Variants in DENND5B observed in about 807,000 individuals in gnomAD.
DENND5B encodes DENN domain containing 5B, also known as DENN domain-containing protein 5B.
DENND5B carries 34 observed loss-of-function variants against 140.6 expected under a neutral mutation model. That is an observed-to-expected ratio of 0.24 (90% CI 0.18 to 0.32). DENND5B has a LOEUF of 0.32. DENND5B is among the 10% of genes least tolerant of loss of function. The pLI is 1.00. For synonymous variants in DENND5B, 551 were observed against 562.1 expected, an observed-to-expected ratio of 0.98 and a Z score of 0.28; for missense variants, 1,142 against 1,560.2, an observed-to-expected ratio of 0.73 and a Z score of 4.52.
intron 1 of DENND5B, chr12:31,540,984 G>A (rs1301490709): frequency 8.8e-6 from 4 of 454,016 alleles, no homozygotes; most frequent in African/African-American, 8.0e-5. Context: ...ATGGTGCTGG[G>A]AAAACTGGAT....
At chr12:31,538,999 CAGA>C (rs1948601482) in intron 1 of DENND5B, among the ~76,000 whole-genome samples, 1 of 133,856 alleles carries the variant, frequency 7.5e-6, no homozygotes, top group African/African-American at 2.9e-5. Context: ...AACTGCTAGA[CAGA>C]CTAAGAAAAA....
Position 31,480,127 on chromosome 12 carries a change from T to C in DENND5B, c.366A>G (p.Glu122=), listed in dbSNP as rs1460614135. ...CTGTGCAGATTTGCTTACTTGTAAC[T>C]TCTTCATAAAAAGTGAGAACAAAAC... ...TYGFVLTFYE[E]VTSKQICTAM... Residue 122 remains glutamate, a synonymous_variant, in exon 3 of 21, where the codon GAA becomes GAG. Transcript: ENST00000389082. The C allele has an allele frequency of 6.2e-7, 1 of 1,612,610 alleles. No individual in the cohort carries two copies. Among genetic ancestry groups the C allele is most frequent in the South Asian group, 1.1e-5 (1 of 90,886 alleles).
At chr12:31,410,129 C>T (rs1942373887) in intron 13 of DENND5B, among the ~76,000 whole-genome samples, 1 of 152,056 alleles carries the variant, frequency 6.6e-6, no homozygotes, top group Admixed American at 6.6e-5. Flanking sequence ...AAGTGATGAC[C>T]AGTGTTGACA....
At chr12:31,451,690 C>T (rs1037250022) in intron 5 of DENND5B, 12 of 438,092 alleles carry the variant, frequency 2.7e-5, no homozygotes, top group South Asian at 6.1e-5. Flanking sequence ...GGCAATTTAA[C>T]GCACAATTTA....
At chr12:31,451,145 T>A (rs1944498499) in intron 5 of DENND5B, among the ~76,000 whole-genome samples, 2 of 152,158 alleles carry the variant, frequency 1.3e-5, no homozygotes, top group Non-Finnish European at 1.5e-5. Flanking sequence ...GACTTCCTGA[T>A]AGGATAAAGA....
At chr12:31,453,509 T>TA (rs1295733034) in intron 4 of DENND5B, among the ~76,000 whole-genome samples, 1 of 152,190 alleles carries the variant, frequency 6.6e-6, no homozygotes, top group African/African-American at 2.4e-5. Flanking sequence ...ACAAGGTTGT[T>TA]AGTTAAAAAG....
chr12:31,425,105 G>A (rs1433807316), intron 9 of DENND5B, among the ~76,000 whole-genome samples: 1 of 152,190 alleles, frequency 6.6e-6, no homozygotes, highest in Admixed American at 6.5e-5. Context: ...CTGGGGTCAG[G>A]AGTTCGAGAC....
At chr12:31,504,334 T>C (rs757855066) in intron 1 of DENND5B, among the ~76,000 whole-genome samples, 39 of 152,348 alleles carry the variant, frequency 2.6e-4, no homozygotes, top group Non-Finnish European at 5.0e-4. Flanking sequence ...ACAAAAGTTC[T>C]GCTACTATGA....
intron 1 of DENND5B, among the ~76,000 whole-genome samples, chr12:31,512,487 C>G (rs557916953): frequency 7.2e-5 from 11 of 151,866 alleles, no homozygotes; most frequent in Non-Finnish European, 1.5e-5. Flanking sequence ...CCACCATGGC[C>G]TCTCAAAGTG....
In DENND5B at chr12:31,452,330, G is replaced by A; in HGVS notation, c.1239C>T (p.Cys413=). 1 of 1,613,966 alleles carries A rather than the reference G, an allele frequency of 6.2e-7. No individual in the cohort carries two copies. Among genetic ancestry groups the A allele is most frequent in the Non-Finnish European group, 8.5e-7 (1 of 1,179,882 alleles). The change falls in exon 5 of 21, where the codon TGC becomes TGT. Residue 413 remains cysteine (C), a synonymous_variant. Transcript: ENST00000389082. The stretch of plus-strand genomic sequence containing the variant: ...TCTTCAGTTTGCTGGTACTCTCACT[G>A]CAATGTAGGCTGCCCTCAGGAGGGA... ...FGIPPEGSLH[C]SESTSKLKNM...
At chr12:31,458,829 CATCTT>C (rs905965639) in intron 4 of DENND5B, among the ~76,000 whole-genome samples, 2 of 152,140 alleles carry the variant, frequency 1.3e-5, no homozygotes, top group Non-Finnish European at 2.9e-5. Context: ...TGTAATTAAT[CATCTT>C]ATGTTTTGTA....
chr12:31,409,474 CTT>C (rs139434599), intron 13 of DENND5B, 90 bp from the exon 14 acceptor site: 39,080 of 282,622 alleles, frequency 0.14, 39 homozygotes, highest in South Asian at 0.19. Context: ...TTCATTATGT[CTT>C]TTTTTTTTTT....
chr12:31,576,325 C>T (rs954376411), intron 1 of DENND5B, among the ~76,000 whole-genome samples: 8 of 150,638 alleles, frequency 5.3e-5, no homozygotes, highest in Non-Finnish European at 1.0e-4. Context: ...TAGTGGCAGA[C>T]GCCTGTAATC....
At chr12:31,520,397 C>T (rs1947832139) in intron 1 of DENND5B, among the ~76,000 whole-genome samples, 1 of 152,156 alleles carries the variant, frequency 6.6e-6, no homozygotes, top group Admixed American at 6.6e-5. Context: ...TAATCATATG[C>T]AGCAAATCTC....
chr12:31,432,994 T>C (rs1943578817), intron 8 of DENND5B, 161 bp downstream of exon 8: 2 of 575,394 alleles, frequency 3.5e-6, no homozygotes, highest in Middle Eastern at 3.6e-4. Context: ...AAAGGGTGTT[T>C]TCTGCTATAT....
At chr12:31,523,087 C>G (rs1947959555) in intron 1 of DENND5B, among the ~76,000 whole-genome samples, 2 of 150,102 alleles carry the variant, frequency 1.3e-5, no homozygotes, top group Non-Finnish European at 3.0e-5. Context: ...AAGAAAAAGC[C>G]TCATTCTGTC....
intron 4 of DENND5B, among the ~76,000 whole-genome samples, chr12:31,457,723 T>C (rs563062507): frequency 2.0e-5 from 3 of 152,090 alleles, no homozygotes; most frequent in South Asian, 4.1e-4. Flanking sequence ...CTTTTCTTTT[T>C]TTTTTTTTGA....
intron 6 of DENND5B, 66 bp downstream of exon 6, chr12:31,447,472 C>G: frequency 1.4e-6 from 2 of 1,396,684 alleles, no homozygotes; most frequent in East Asian, 4.8e-5. Flanking sequence ...GTACGTAAGG[C>G]CAGCAATTTG....
intron 1 of DENND5B, chr12:31,590,270 G>A (rs1389812863): frequency 1.3e-5 from 2 of 152,650 alleles, no homozygotes; most frequent in Non-Finnish European, 2.9e-5. Context: ...GTCTCCCGAA[G>A]AGGCCCGAAA....
Sources: gnomAD v4.1 joint callset for allele counts (sites outside exome capture counted in the v4.1 genomes callset) on GRCh38, gnomAD v4.1.1 for gene constraint, MANE v1.5 for transcripts, NCBI Gene and HGNC (gene_info 2026-07-23, HGNC 2026-07-21) for gene names.